Variants in SCD5 observed in about 807,000 individuals in gnomAD.
SCD5 encodes acyl-CoA-desaturase 4.
A neutral mutation model predicts 30.4 loss-of-function variants in SCD5; 20 were observed. That is an observed-to-expected ratio of 0.66 (90% CI 0.46 to 0.96). The LOEUF is 0.96. Ranked by LOEUF, SCD5 falls within the 40% of genes least tolerant of loss-of-function variation. SCD5 has a pLI of 0.00. For synonymous variants in SCD5, 173 were observed against 176.4 expected, an observed-to-expected ratio of 0.98 and a Z score of 0.16; for missense variants, 381 against 443.3, an observed-to-expected ratio of 0.86 and a Z score of 1.26.
chr4:82,639,932 C>T (rs545134938), intron 3 of SCD5, among the ~76,000 whole-genome samples: 1 of 152,198 alleles, frequency 6.6e-6, no homozygotes, highest in Non-Finnish European at 1.5e-5. Flanking sequence ...GAGAGAAACA[C>T]GTGTGGAGGG....
At chr4:82,750,685 C>G (rs1182165955) in intron 1 of SCD5, among the ~76,000 whole-genome samples, 3 of 150,932 alleles carry the variant, frequency 2.0e-5, no homozygotes, top group Non-Finnish European at 2.9e-5. Flanking sequence ...TTCATTATGT[C>G]TGTTTAAAAG....
chr4:82,676,108 C>G (rs1728431204), intron 3 of SCD5, among the ~76,000 whole-genome samples: 1 of 152,124 alleles, frequency 6.6e-6, no homozygotes, highest in African/African-American at 2.4e-5. Context: ...CCTTCAGCCT[C>G]CCTGATTCCC....
intron 2 of SCD5, among the ~76,000 whole-genome samples, chr4:82,700,787 TAAAAAAAAAAAAAAAAAAAAAAAAAAA>T (rs70938305): frequency 1.6e-5 from 1 of 63,774 alleles, no homozygotes; most frequent in Non-Finnish European, 3.1e-5. Flanking sequence ...ACCCTGTCTC[TAAAAAAAAAAAAAAAAAAAAAAAAAAA>T]AAAAAAAAAA....
chr4:82,773,984 G>C (rs941238945), intron 1 of SCD5, among the ~76,000 whole-genome samples: 9 of 151,856 alleles, frequency 5.9e-5, no homozygotes, highest in Admixed American at 1.3e-4. Context: ...AGCTACTCGG[G>C]AGGCTGAGGC....
At chr4:82,692,839 T>G (rs1309228819) in intron 2 of SCD5, among the ~76,000 whole-genome samples, 1 of 152,162 alleles carries the variant, frequency 6.6e-6, no homozygotes, top group African/African-American at 2.4e-5. Flanking sequence ...TCCAATCTTA[T>G]TCAAATCCTG....
intron 1 of SCD5, among the ~76,000 whole-genome samples, chr4:82,720,441 T>TAAAAAAAAAAAAAAAAAA (rs1553917690): frequency 1.3e-5 from 1 of 77,936 alleles, no homozygotes; most frequent in Non-Finnish European, 2.4e-5. Flanking sequence ...AAGGCAAAAA[T>TAAAAAAAAAAAAAAAAAA]AAAAAAAAAA....
chr4:82,735,655 C>T (rs573092040), intron 1 of SCD5, among the ~76,000 whole-genome samples: 3 of 152,188 alleles, frequency 2.0e-5, no homozygotes, highest in Non-Finnish European at 4.4e-5. Flanking sequence ...TTGACTTACC[C>T]ACCACATGAC....
chr4:82,723,746 G>A (rs1720417642), intron 1 of SCD5, among the ~76,000 whole-genome samples: 1 of 152,108 alleles, frequency 6.6e-6, no homozygotes, highest in Non-Finnish European at 1.5e-5. Flanking sequence ...ACAGAGGGAA[G>A]GTAGAAACAA....
intron 1 of SCD5, among the ~76,000 whole-genome samples, chr4:82,736,667 G>C (rs1389016013): frequency 6.6e-6 from 1 of 151,884 alleles, no homozygotes; most frequent in Admixed American, 6.6e-5. Flanking sequence ...CATACTTTTG[G>C]GGTTTCTTTT....
intron 3 of SCD5, among the ~76,000 whole-genome samples, chr4:82,671,242 G>A (rs1041642665): frequency 2.6e-5 from 4 of 152,228 alleles, no homozygotes; most frequent in East Asian, 1.9e-4. Flanking sequence ...AATATGTGAA[G>A]CAAAAACTGA....
At chr4:82,796,066 T>C (rs371532863) in intron 1 of SCD5, among the ~76,000 whole-genome samples, 7 of 151,534 alleles carry the variant, frequency 4.6e-5, no homozygotes, top group African/African-American at 1.2e-4. Context: ...GTCAGGAGAT[T>C]GAGACCATCC....
intron 3 of SCD5, among the ~76,000 whole-genome samples, chr4:82,637,406 C>T (rs1727456293): frequency 6.6e-6 from 1 of 152,196 alleles, no homozygotes. Flanking sequence ...AGAAAGTAAT[C>T]ATTAAGAAGC....
intron 3 of SCD5, 127 bp downstream of exon 3, chr4:82,680,580 T>C: frequency 3.6e-6 from 3 of 838,554 alleles, no homozygotes; most frequent in Non-Finnish European, 5.6e-6. Context: ...ATAAATCTTA[T>C]AAATATGGCA....
intron 2 of SCD5, among the ~76,000 whole-genome samples, chr4:82,694,098 C>T (rs1440352667): frequency 1.3e-5 from 2 of 152,330 alleles, no homozygotes; most frequent in East Asian, 3.9e-4. Flanking sequence ...TAGCCGCAGG[C>T]GCCTCTGCCA....
intron 3 of SCD5, among the ~76,000 whole-genome samples, chr4:82,667,284 A>ATACACG (rs1553915104): frequency 6.6e-6 from 1 of 150,490 alleles, no homozygotes; most frequent in Non-Finnish European, 1.5e-5. Flanking sequence ...ACACACACAC[A>ATACACG]CACGCACGCA....
intron 1 of SCD5, among the ~76,000 whole-genome samples, chr4:82,729,909 C>T (rs1720590145): frequency 6.6e-6 from 1 of 152,168 alleles, no homozygotes; most frequent in South Asian, 2.1e-4. Flanking sequence ...CTTCCATTAG[C>T]TCCCCCACTA....
chr4:82,661,038 T>C (rs771308061), intron 3 of SCD5: 6 of 1,613,862 alleles, frequency 3.7e-6, no homozygotes. Flanking sequence ...ACGCTGCCTC[T>C]TGATTGAGAG....
chr4:82,783,773 A>G (rs1427916793), intron 1 of SCD5, among the ~76,000 whole-genome samples: 1 of 151,692 alleles, frequency 6.6e-6, no homozygotes, highest in Non-Finnish European at 1.5e-5. Flanking sequence ...ATTGCACTCC[A>G]GCCTGGGCAA....
At chr4:82,717,975 AC>A (rs11297535) in intron 1 of SCD5, among the ~76,000 whole-genome samples, 86,323 of 148,970 alleles carry the variant, frequency 0.58, 26,529 homozygotes, top group African/African-American at 0.77. Context: ...AAAATTAAAA[AC>A]AGTACCAAAA....
Sources: gnomAD v4.1 joint callset for allele counts (sites outside exome capture counted in the v4.1 genomes callset) on GRCh38, gnomAD v4.1.1 for gene constraint, MANE v1.5 for transcripts, NCBI Gene and HGNC (gene_info 2026-07-23, HGNC 2026-07-21) for gene names.